Variants in FHIT observed in about 807,000 individuals in gnomAD.
FHIT encodes the protein fragile histidine triad diadenosine triphosphatase.
In FHIT, 19 loss-of-function variants were observed where a neutral mutation model predicts 17.9. The ratio of observed to expected loss-of-function variants is 1.06; its 90% CI spans 0.74 to 1.56. The LOEUF is 1.56. Among genes scored for constraint, FHIT ranks in the 40% most tolerant of loss-of-function variants. The probability of loss-of-function intolerance (pLI) is 0.00; values close to 1 mark genes in which losing one functional copy is unlikely to be tolerated. For synonymous variants in FHIT, 81 were observed against 69.7 expected (o/e 1.16, Z -0.81); for missense variants, 248 against 189.2 (o/e 1.31, Z -1.82).
At chr3:60,022,338 G>C (rs1700582694) in intron 5 of FHIT, among the ~76,000 whole-genome samples, 1 of 152,208 alleles carries the variant, frequency 6.6e-6, no homozygotes, top group South Asian at 2.1e-4. Context: ...AAACAGTTCA[G>C]GTTACTGCCA....
intron 5 of FHIT, among the ~76,000 whole-genome samples, chr3:60,408,755 G>A (rs1011489077): frequency 1.3e-5 from 2 of 152,128 alleles, no homozygotes; most frequent in African/African-American, 4.8e-5. Context: ...AAATTAGAAT[G>A]AAATATGACT....
intron 4 of FHIT, among the ~76,000 whole-genome samples, chr3:60,591,671 A>T (rs2038089970): frequency 1.3e-5 from 2 of 152,088 alleles, no homozygotes; most frequent in African/African-American, 4.8e-5. Context: ...TTACACTATG[A>T]AACAAGATGA....
rs1244277969 is a variant in FHIT at position 60,989,272 on chromosome 3, C to T, written c.-111+52775G>A. ...TCAAGTGATTCTCCTGTCGCAGCCT[C>T]TCAAGTATCTGAGACCACAGGTGTG... is the stretch of plus-strand genomic sequence containing the variant. On this transcript the variant is annotated intron_variant, in intron 3 of 9. Coordinates refer to ENST00000492590, the MANE Select transcript of FHIT (RefSeq NM_002012.4). Among the ~76,000 whole-genome samples the T allele has an allele frequency of 2.6e-5, 4 of 152,066 alleles. No individual in the cohort carries two copies. In the East Asian group the frequency reaches 5.8e-4, roughly 22 times the overall value.
intron 3 of FHIT, among the ~76,000 whole-genome samples, chr3:61,020,184 T>A (rs907789092): frequency 7.2e-5 from 11 of 152,174 alleles, no homozygotes; most frequent in Non-Finnish European, 1.2e-4. Context: ...CTTCTCCACA[T>A]CCTCTCCAGC....
At chr3:60,383,832 A>C (rs576831011) in intron 5 of FHIT, among the ~76,000 whole-genome samples, 1 of 152,342 alleles carries the variant, frequency 6.6e-6, no homozygotes, top group East Asian at 1.9e-4. Context: ...CAAAATTTTT[A>C]ACCCATCATC....
intron 5 of FHIT, among the ~76,000 whole-genome samples, chr3:60,266,077 T>C (rs779252975): frequency 1.3e-5 from 2 of 151,958 alleles, no homozygotes; most frequent in Non-Finnish European, 2.9e-5. Context: ...AATGAAAACA[T>C]ATGTTCACAC....
At chr3:60,270,163 G>A (rs1230602351) in intron 5 of FHIT, among the ~76,000 whole-genome samples, 9 of 152,144 alleles carry the variant, frequency 5.9e-5, no homozygotes, top group Admixed American at 5.9e-4. Context: ...TGGTCTAAGA[G>A]ACCAGGCCAC....
At chr3:60,535,053 G>C (rs2611411) in intron 5 of FHIT, among the ~76,000 whole-genome samples, 1 of 152,004 alleles carries the variant, frequency 6.6e-6, no homozygotes, top group Admixed American at 6.5e-5. Flanking sequence ...GCAAAACCCC[G>C]TCTCTACTAA....
Position 60,158,299 on chromosome 3 carries a change from C to T in FHIT, c.104-144147G>A, listed in dbSNP as rs560263547. On this transcript the variant is annotated intron_variant, in intron 5 of 9. Coordinates refer to ENST00000492590, the MANE Select transcript of FHIT (RefSeq NM_002012.4). ...GAGACCATGATAAAGTAAGACAAAA[C>T]AAGACTATTTCATAATTTCTCTCTC... 3.8e-4 allele frequency among the ~76,000 whole-genome samples: 58 copies of T among 152,050 alleles called. 2 individuals are homozygous for T. In the South Asian group the frequency reaches 0.012, roughly 31 times the overall value.
chr3:60,469,458 T>C (rs1348641355), intron 5 of FHIT, among the ~76,000 whole-genome samples: 6 of 152,224 alleles, frequency 3.9e-5, no homozygotes, highest in Admixed American at 1.3e-4. Flanking sequence ...CATTCTTCAG[T>C]AGGCCAGCTG....
intron 7 of FHIT, among the ~76,000 whole-genome samples, chr3:60,009,791 C>G (rs540468636): frequency 2.0e-5 from 3 of 152,276 alleles, no homozygotes; most frequent in African/African-American, 7.2e-5. Context: ...AATCATTCCC[C>G]ATTCCTTCCT....
intron 8 of FHIT, among the ~76,000 whole-genome samples, chr3:59,833,278 C>T (rs1341773679): frequency 6.6e-6 from 1 of 152,102 alleles, no homozygotes; most frequent in Admixed American, 6.6e-5. Context: ...GCAATTAGTT[C>T]AGATGAGGCC....
chr3:60,128,792 G>C (rs868267739), intron 5 of FHIT, among the ~76,000 whole-genome samples: 34 of 152,144 alleles, frequency 2.2e-4, no homozygotes, highest in African/African-American at 8.2e-4. Context: ...AATGAACACT[G>C]CACAGGTGAA....
chr3:59,969,646 C>A (rs1276968151), intron 7 of FHIT, among the ~76,000 whole-genome samples: 2 of 152,054 alleles, frequency 1.3e-5, no homozygotes, highest in African/African-American at 4.8e-5. Context: ...GCTTCATTTG[C>A]GTACTTGCGT....
At chr3:59,782,464 A>G (rs1202449976) in intron 8 of FHIT, among the ~76,000 whole-genome samples, 1 of 152,226 alleles carries the variant, frequency 6.6e-6, no homozygotes, top group Non-Finnish European at 1.5e-5. Flanking sequence ...CATCTCACTC[A>G]TGAATCAGAA....
intron 4 of FHIT, chr3:60,537,476 A>G: frequency 1.0e-6 from 1 of 983,442 alleles, no homozygotes; most frequent in Non-Finnish European, 1.2e-6. Context: ...ACAATTACAA[A>G]AACATGAGCA....
intron 7 of FHIT, among the ~76,000 whole-genome samples, chr3:59,932,168 C>T (rs75617720): frequency 3.0e-4 from 46 of 152,236 alleles, no homozygotes; most frequent in African/African-American, 1.1e-3. Context: ...TCAATTTCCC[C>T]CATCTTCCAC....
chr3:59,973,555 TC>T (rs1708279646), intron 7 of FHIT, among the ~76,000 whole-genome samples: 1 of 152,092 alleles, frequency 6.6e-6, no homozygotes, highest in Non-Finnish European at 1.5e-5. Flanking sequence ...AGGCCAGTTT[TC>T]CCTAAGATAT....
chr3:60,569,738 T>TAG (rs1553654781), intron 4 of FHIT, among the ~76,000 whole-genome samples: 1 of 61,786 alleles, frequency 1.6e-5, no homozygotes, highest in African/African-American at 7.3e-5. Context: ...TATATATATA[T>TAG]ATATATATAT....
Sources: gnomAD v4.1 joint callset for allele counts (sites outside exome capture counted in the v4.1 genomes callset) on GRCh38, gnomAD v4.1.1 for gene constraint, MANE v1.5 for transcripts, NCBI Gene and HGNC (gene_info 2026-07-23, HGNC 2026-07-21) for gene names.